PDE6C: variants seen among roughly 807,000 people sequenced by gnomAD.
PDE6C encodes the protein cone cGMP-specific 3',5'-cyclic phosphodiesterase subunit alpha'.
A neutral mutation model predicts 113.1 loss-of-function variants in PDE6C; 75 were observed. The ratio of observed to expected loss-of-function variants is 0.66; its 90% confidence interval spans 0.55 to 0.80. The LOEUF is 0.80. PDE6C is among the 30% of genes least tolerant of loss of function. PDE6C has a pLI of 0.00. For missense variants in PDE6C, 912 were observed against 1,038.6 expected (o/e 0.88, Z 1.67); for synonymous variants, 375 against 363.7 (o/e 1.03, Z -0.35).
intron 1 of PDE6C, among the ~76,000 whole-genome samples, chr10:93,615,648 C>T (rs141961825): frequency 0.01 from 1,553 of 152,328 alleles, 7 homozygotes; most frequent in South Asian, 0.018. Flanking sequence ...TTTCAAAGTG[C>T]TGGGATTACA....
intron 13 of PDE6C, 55 bp from the exon 14 acceptor site, chr10:93,640,865 G>A (rs1334320481): frequency 2.7e-6 from 3 of 1,125,654 alleles, no homozygotes; most frequent in Non-Finnish European, 4.0e-6. Context: ...ACTTGGTATA[G>A]AGGTATATTA....
At position 93,659,182 on chromosome 10, in the gene PDE6C, G is replaced by A. The variant is rs765622711; in HGVS notation, c.2208+15G>A. On this transcript the variant is annotated intron_variant, in intron 18 of 21. Coordinates refer to ENST00000371447, the MANE Select transcript of PDE6C (RefSeq NM_006204.4). ...TGCAAAGTCAGGTGAGTCCAGTTAA[G>A]TTTTCTTTTCTGTCACACTGTCAGG... The A allele has an allele frequency of 3.7e-5, 58 of 1,586,040 alleles. No homozygotes were observed. Among genetic ancestry groups the A allele is most frequent in the Admixed American group, 8.4e-5 (5 of 59,836 alleles).
At position 93,655,798 on chromosome 10, in the gene PDE6C, T is replaced by C. The variant is rs774445910; in HGVS notation, c.1974T>C (p.Phe658=). The stretch of plus-strand genomic sequence containing the variant: ...TCCAGAACCTAAATAAGCGGCAGTT[T>C]GAAACAGTTATTCATTTGTTCGAGG... ...NIFQNLNKRQ[F]ETVIHLFEVA... The change falls in exon 16 of 22, where the codon TTT becomes TTC. Residue 658 remains phenylalanine, a synonymous_variant. Transcript: ENST00000371447. 2 of 1,610,340 alleles carry C rather than the reference T, an allele frequency of 1.2e-6. No homozygotes were observed. The highest frequency in any genetic ancestry group is 1.7e-4 in the Middle Eastern group (1 of 6,052).
chr10:93,628,647 A>G (rs554241309), intron 7 of PDE6C, among the ~76,000 whole-genome samples: 1 of 152,230 alleles, frequency 6.6e-6, no homozygotes, highest in Non-Finnish European at 1.5e-5. Flanking sequence ...TTGGAAAGAC[A>G]TGGTCTTTTA....
chr10:93,634,703 A>G (rs2058519378), intron 8 of PDE6C, 55 bp from the exon 9 acceptor site: 1 of 1,579,218 alleles, frequency 6.3e-7, no homozygotes, highest in African/African-American at 1.3e-5. Flanking sequence ...TGAATTTATG[A>G]TTATTTCAAA....
intron 4 of PDE6C, among the ~76,000 whole-genome samples, chr10:93,623,424 C>G (rs1185091513): frequency 1.3e-5 from 2 of 152,136 alleles, no homozygotes; most frequent in East Asian, 3.9e-4. Context: ...TTTTCATTCT[C>G]TTAACAGTGT....
chr10:93,664,865 TATTTA>T (rs915364567), intron 21 of PDE6C, among the ~76,000 whole-genome samples: 30 of 152,294 alleles, frequency 2.0e-4, no homozygotes, highest in Admixed American at 5.2e-4. Context: ...GTTTTTTATT[TATTTA>T]ATTTATTTTT....
At chr10:93,625,868 A>T (rs551396659) in intron 5 of PDE6C, among the ~76,000 whole-genome samples, 1 of 152,324 alleles carries the variant, frequency 6.6e-6, no homozygotes, top group East Asian at 1.9e-4. Flanking sequence ...TTTTCTATAA[A>T]GCCAGGGCTT....
Position 93,612,946 on chromosome 10 carries a change from G to T in PDE6C, c.221G>T (p.Gly74Val), listed in dbSNP as rs557957487. Residue 74 changes from glycine to valine, a missense_variant, in exon 1 of 22, where the codon GGC becomes GTC. Gly to Val is a moderately radical substitution (Grantham distance 109, BLOSUM62 -3). Coordinates refer to ENST00000371447, the MANE Select transcript of PDE6C (RefSeq NM_006204.4). ...ELLWTVQEEGGTPEQGVHRAL... is the reference protein window; with the variant it reads ...ELLWTVQEEGVTPEQGVHRAL... ...CTGTGGACCGTGCAGGAGGAGGGGG[G>T]CACCCCAGAGCAGGGGGTTCACAGG... is the stretch of plus-strand genomic sequence containing the variant. 48 of 1,613,918 alleles carry T rather than the reference G, an allele frequency of 3.0e-5. No homozygotes were observed. In the South Asian group the frequency reaches 4.8e-4, roughly 16 times the overall value.
At chr10:93,658,189 A>G (rs112526124) in intron 16 of PDE6C, among the ~76,000 whole-genome samples, 9,105 of 140,162 alleles carry the variant, frequency 0.065, 449 homozygotes, top group East Asian at 0.25. Flanking sequence ...AAAAAAAAAA[A>G]AAAGAAAAAG....
At position 93,655,768 on chromosome 10, in the gene PDE6C, C is replaced by T; in HGVS notation, c.1944C>T (p.Asn648=). The change falls in exon 16 of 22, where the codon AAC becomes AAT. Residue 648 remains asparagine (N), a synonymous_variant. Coordinates refer to ENST00000371447, the MANE Select transcript of PDE6C (RefSeq NM_006204.4). ...SKTLLQDESL[N]IFQNLNKRQF... ...GAATTTTCATCTTACAGAGTTTAAA[C>T]ATCTTCCAGAACCTAAATAAGCGGC... 1 of 1,582,660 alleles carries T rather than the reference C, an allele frequency of 6.3e-7. No individual in the cohort carries two copies. Among genetic ancestry groups the T allele is most frequent in the Non-Finnish European group, 8.7e-7 (1 of 1,151,500 alleles).
At chr10:93,639,152 A>G (rs1396883382) in intron 11 of PDE6C, among the ~76,000 whole-genome samples, 10 of 152,062 alleles carry the variant, frequency 6.6e-5, no homozygotes, top group Non-Finnish European at 1.5e-5. Context: ...TCTCACCCAC[A>G]TGGAATCGTC....
chr10:93,643,189 A>G lies in PDE6C; in HGVS notation c.1847+2160A>G, dbSNP rs531215367. ...GATGAAGTTAAACCTTCCCTAGGTTATAGGAAGTAGCAGGATTGAAGTTGC... is the reference window on the plus strand; with the variant it reads ...GATGAAGTTAAACCTTCCCTAGGTTGTAGGAAGTAGCAGGATTGAAGTTGC... On this transcript the variant is annotated intron_variant, in intron 14 of 21. Transcript: ENST00000371447. Among the ~76,000 whole-genome samples, 4 of 152,234 alleles carry G rather than the reference A, an allele frequency of 2.6e-5. No homozygotes were observed. The East Asian group carries it at 7.7e-4, about 29-fold the overall frequency.
At position 93,640,083 on chromosome 10, in the gene PDE6C, C is replaced by T. The variant is rs1170932553; in HGVS notation, c.1496C>T (p.Pro499Leu). 6.2e-7 allele frequency: 1 copy of T among 1,613,962 alleles called. No individual in the cohort carries two copies. The highest frequency in any genetic ancestry group is 1.3e-5 in the African/African-American group (1 of 74,910). ...QLVAILKEDL[P>L]DPRSAELYEF... ...TTATTTCAACAGAAAGAGGACTTGCCAGACCCACGCTCAGCAGAACTGTAC... is the reference window on the plus strand; with the variant it reads ...TTATTTCAACAGAAAGAGGACTTGCTAGACCCACGCTCAGCAGAACTGTAC... The change falls in exon 12 of 22, where the codon CCA becomes CTA. Residue 499 changes from proline to leucine, a missense_variant. Physicochemically the swap from Pro to Leu is moderately conservative, Grantham distance 98 (BLOSUM62 -3). Transcript: ENST00000371447.
chr10:93,613,966 C>T (rs924975763), intron 1 of PDE6C, among the ~76,000 whole-genome samples: 39 of 152,136 alleles, frequency 2.6e-4, no homozygotes, highest in African/African-American at 8.5e-4. Flanking sequence ...TTTATTCTTA[C>T]CATTAGAGTA....
intron 15 of PDE6C, among the ~76,000 whole-genome samples, chr10:93,650,937 TC>T (rs2058607214): frequency 1.3e-5 from 2 of 152,320 alleles, no homozygotes; most frequent in South Asian, 2.1e-4. Flanking sequence ...CTCTGTAATT[TC>T]CACTATTGTT....
intron 15 of PDE6C, among the ~76,000 whole-genome samples, chr10:93,649,153 T>TA: frequency 6.6e-6 from 1 of 152,164 alleles, no homozygotes; most frequent in South Asian, 2.1e-4. Flanking sequence ...TCAGGGAAAA[T>TA]AAAAAAGATT....
At chr10:93,620,406 TAGGCCATAGCTC>T (rs796842972) in intron 1 of PDE6C, among the ~76,000 whole-genome samples, 1 of 152,140 alleles carries the variant, frequency 6.6e-6, no homozygotes, top group South Asian at 2.1e-4. Context: ...CTAACCTAAA[TAGGCCATAGCTC>T]AGGTTGGCAG....
In PDE6C at chr10:93,640,167, G is replaced by A. The variant is rs554790963; in HGVS notation, c.1580G>A (p.Arg527Gln). The change falls in exon 12 of 22, where the codon CGA becomes CAA. Residue 527 changes from arginine to glutamine, a missense_variant. Transcript: ENST00000371447. Reference sequence around the variant, plus strand: ...CACGGATTGATTAAATGTGGAATACGACTGTTTTTTGAAATAAATGTGGTG... The same window carrying A: ...CACGGATTGATTAAATGTGGAATACAACTGTTTTTTGAAATAAATGTGGTG... ...TEHGLIKCGI[R>Q]LFFEINVVEK... 74 of 1,613,438 alleles carry A rather than the reference G, an allele frequency of 4.6e-5. No homozygotes were observed. The highest frequency in any genetic ancestry group is 1.3e-4 in the African/African-American group (10 of 74,994).
Sources: gnomAD v4.1 joint callset for allele counts (sites outside exome capture counted in the v4.1 genomes callset) on GRCh38, gnomAD v4.1.1 for gene constraint, MANE v1.5 for transcripts, NCBI Gene and HGNC (gene_info 2026-07-23, HGNC 2026-07-21) for gene names.